The following CLGN variants were observed in gnomAD, a reference collection of about 807,000 sequenced individuals.
CLGN encodes the protein calmegin.
A neutral mutation model predicts 79.1 loss-of-function variants in CLGN; 62 were observed. That is an observed-to-expected ratio of 0.78 (90% CI 0.64 to 0.97). The LOEUF is 0.97. Ranked by LOEUF, CLGN falls within the 50% of genes least tolerant of loss-of-function variation. The probability of loss-of-function intolerance (pLI) is 0.00; values close to 1 mark genes in which losing one functional copy is unlikely to be tolerated. For missense variants in CLGN, 647 were observed against 715.5 expected (o/e 0.90, Z 1.09); for synonymous variants, 225 against 224.7 (o/e 1.00, Z -0.01).
At chr4:140,418,662 T>C (rs1227266384) in intron 1 of CLGN, among the ~76,000 whole-genome samples, 70 of 151,532 alleles carry the variant, frequency 4.6e-4, no homozygotes, top group African/African-American at 1.4e-3. Context: ...GATACCATCT[T>C]ACACCAGTTA....
chr4:140,414,048 C>T (rs906366733), intron 1 of CLGN, among the ~76,000 whole-genome samples: 2 of 152,224 alleles, frequency 1.3e-5, no homozygotes, highest in East Asian at 3.9e-4. Flanking sequence ...GGTCCCTGAC[C>T]CCTGAGCAGC....
chr4:140,395,771 T>C (rs1728860975), intron 10 of CLGN, 48 bp downstream of exon 10: 6 of 1,334,900 alleles, frequency 4.5e-6, no homozygotes, highest in Non-Finnish European at 5.8e-6. Context: ...ATAGAAAAGA[T>C]CACAACATTT....
In CLGN at chr4:140,392,570, A is replaced by T; in HGVS notation, c.1491+16T>A. The T allele has an allele frequency of 3.2e-6, 5 of 1,579,282 alleles. No individual in the cohort carries two copies. The highest frequency in any genetic ancestry group is 4.3e-6 in the Non-Finnish European group (5 of 1,168,256). ...AATTTGGGTGAAAAAAGTTGAAGGA[A>T]ATCCATTTTCTTTACCTTTACTTTT... On this transcript the variant is annotated intron_variant, in intron 12 of 14. Transcript: ENST00000325617.
intron 6 of CLGN, among the ~76,000 whole-genome samples, 156 bp downstream of exon 6, chr4:140,401,829 A>G (rs2126621299): frequency 6.6e-6 from 1 of 152,266 alleles, no homozygotes; most frequent in Middle Eastern, 3.4e-3. Context: ...TAAAACTTGA[A>G]GGCGAATTGT....
chr4:140,426,373 A>G (rs897444257), intron 1 of CLGN, among the ~76,000 whole-genome samples: 1 of 152,266 alleles, frequency 6.6e-6, no homozygotes, highest in Non-Finnish European at 1.5e-5. Flanking sequence ...CAAATGCATC[A>G]ACATACTTAC....
chr4:140,425,346 A>G (rs1485525290), intron 1 of CLGN, among the ~76,000 whole-genome samples: 4 of 152,106 alleles, frequency 2.6e-5, no homozygotes, highest in African/African-American at 9.7e-5. Context: ...ATTCCAAGGT[A>G]GGAAGTTGCA....
intron 1 of CLGN, among the ~76,000 whole-genome samples, chr4:140,426,189 T>C (rs186909956): frequency 6.6e-6 from 1 of 152,324 alleles, no homozygotes; most frequent in Non-Finnish European, 1.5e-5. Context: ...AGTTTTATTA[T>C]TAAAAAGACA....
chr4:140,400,354 T>C lies in CLGN; in HGVS notation c.694+3A>G, dbSNP rs1367907054. ...AATACATGAATGAATTAAAAGGGTATACCAAGGGTATAAAGATGAGTCTTC... is the reference window on the plus strand; with the variant it reads ...AATACATGAATGAATTAAAAGGGTACACCAAGGGTATAAAGATGAGTCTTC... On this transcript the variant is annotated splice_donor_region_variant and intron_variant, in intron 7 of 14. Coordinates refer to ENST00000325617, the MANE Select transcript of CLGN (RefSeq NM_004362.3). 2 of 1,588,430 alleles carry C rather than the reference T, an allele frequency of 1.3e-6. No individual in the cohort carries two copies. Among genetic ancestry groups the C allele is most frequent in the Non-Finnish European group, 1.7e-6 (2 of 1,162,398 alleles).
Position 140,425,431 on chromosome 4 carries a change from T to TGTGTGGGG in CLGN, c.-10+2105_-10+2106insCCCCACAC, listed in dbSNP as rs373730128. 8.7e-5 allele frequency among the ~76,000 whole-genome samples: 6 copies of TGTGTGGGG among 69,210 alleles called. No homozygotes were observed. In the East Asian group the frequency reaches 1.0e-3, roughly 12 times the overall value. 45.4% of individuals were successfully genotyped at this position (69,210 alleles called of 152,430 possible). A position where few individuals can be genotyped will look rare whatever the true frequency, so the allele number is the denominator to read the frequency against. ...CATCAGAGAAGCAGAATCAATAGGGTGTGTGTGTGTGTGTGTGTGTGTGTG... is the reference window on the plus strand; with the variant it reads ...CATCAGAGAAGCAGAATCAATAGGGTGTGTGGGGGTGTGTGTGTGTGTGTGTGTGTGTG... On this transcript the variant is annotated intron_variant, in intron 1 of 14. Coordinates refer to ENST00000325617, the MANE Select transcript of CLGN (RefSeq NM_004362.3).
At chr4:140,424,513 A>C (rs147323072) in intron 1 of CLGN, among the ~76,000 whole-genome samples, 61 of 152,216 alleles carry the variant, frequency 4.0e-4, no homozygotes, top group African/African-American at 1.4e-3. Flanking sequence ...CCATATGTTT[A>C]TTATGTTTAG....
intron 1 of CLGN, among the ~76,000 whole-genome samples, chr4:140,419,422 A>T (rs1472957314): frequency 2.0e-5 from 3 of 152,154 alleles, no homozygotes; most frequent in Non-Finnish European, 4.4e-5. Flanking sequence ...CCTCTTTAAA[A>T]GTATCATGAT....
At chr4:140,421,822 T>A (rs567381199) in intron 1 of CLGN, among the ~76,000 whole-genome samples, 1 of 152,234 alleles carries the variant, frequency 6.6e-6, no homozygotes, top group African/African-American at 2.4e-5. Flanking sequence ...TATTTTTTCT[T>A]TTGTTGTCTG....
intron 8 of CLGN, among the ~76,000 whole-genome samples, chr4:140,396,897 A>ATGTG (rs1560739988): frequency 1.3e-5 from 1 of 75,444 alleles, no homozygotes; most frequent in African/African-American, 4.4e-5. Context: ...ATATGTATAT[A>ATGTG]TATATATATG....
intron 13 of CLGN, among the ~76,000 whole-genome samples, chr4:140,391,552 GT>G: frequency 6.6e-6 from 1 of 151,788 alleles, no homozygotes. Flanking sequence ...ACACATATGT[GT>G]TTTTAAGTCA....
intron 2 of CLGN, 37 bp downstream of exon 2, chr4:140,412,898 A>C (rs1407567643): frequency 1.3e-6 from 2 of 1,572,882 alleles, no homozygotes; most frequent in African/African-American, 1.4e-5. Context: ...GTACTATGTA[A>C]AGGAATAATT....
intron 4 of CLGN, among the ~76,000 whole-genome samples, chr4:140,406,608 A>G (rs962779351): frequency 2.0e-5 from 3 of 152,220 alleles, no homozygotes; most frequent in African/African-American, 7.2e-5. Flanking sequence ...AACCCTTCTC[A>G]GGGTACACTA....
Position 140,389,152 on chromosome 4 carries a change from G to A in CLGN, c.*72C>T, listed in dbSNP as rs1189753751. The stretch of plus-strand genomic sequence containing the variant: ...AAACAGGATGTGCAGACTGATTAAA[G>A]TTCAGGTCTGGCATGCTGATTTTTA... On this transcript the variant is annotated 3_prime_UTR_variant, in exon 15 of 15. Coordinates refer to ENST00000325617, the MANE Select transcript of CLGN (RefSeq NM_004362.3). The A allele has an allele frequency of 2.6e-6, 3 of 1,153,516 alleles. No homozygotes were observed. Among genetic ancestry groups the A allele is most frequent in the Middle Eastern group, 2.0e-4 (1 of 5,128 alleles). The allele number at this position is 1,153,516 out of a possible 1,614,324, so 71.5% of individuals were successfully genotyped here. A position where few individuals can be genotyped will look rare whatever the true frequency, so the allele number is the denominator to read the frequency against.
chr4:140,427,524 G>C lies in CLGN; in HGVS notation c.-10+13C>G, dbSNP rs948369733. ...CAGCGGGACAGCGGGAACGCGGCCT[G>C]CTGCTCACGCACCTCTCTTGCGGCC... On this transcript the variant is annotated intron_variant, in intron 1 of 14. Coordinates refer to ENST00000325617, the MANE Select transcript of CLGN (RefSeq NM_004362.3). 2.0e-5 allele frequency: 3 copies of C among 152,336 alleles called. No homozygotes were observed. Among genetic ancestry groups the C allele is most frequent in the African/African-American group, 7.2e-5 (3 of 41,464 alleles). The allele number at this position is 152,336 out of a possible 1,614,324, so 9.4% of individuals were successfully genotyped here.
chr4:140,422,830 T>A (rs1729496332), intron 1 of CLGN, among the ~76,000 whole-genome samples: 1 of 152,138 alleles, frequency 6.6e-6, no homozygotes, highest in Non-Finnish European at 1.5e-5. Flanking sequence ...TTGCGCAGGC[T>A]GGTCTTAAAC....
Sources: allele counts gnomAD v4.1 joint callset (sites outside exome capture counted in the v4.1 genomes callset), GRCh38; gene constraint gnomAD v4.1.1; transcripts MANE v1.5; gene names NCBI Gene and HGNC (gene_info 2026-07-23, HGNC 2026-07-21).